The following FGF7 variants were observed in gnomAD, a reference collection of about 807,000 sequenced individuals.
The protein encoded by FGF7 is FGF-7.
In FGF7, 6 loss-of-function variants were observed where a neutral mutation model predicts 20.5. The ratio of observed to expected loss-of-function variants is 0.29; its 90% CI spans 0.16 to 0.58. The LOEUF (loss-of-function observed/expected upper bound fraction) is 0.58. FGF7 is among the 20% of genes least tolerant of loss of function. The pLI, the probability that FGF7 is intolerant of heterozygous loss-of-function variation, is 0.90. For missense variants in FGF7, 144 were observed against 228.8 expected, an observed-to-expected ratio of 0.63 and a Z score of 2.39; for synonymous variants, 64 against 74.7, an observed-to-expected ratio of 0.86 and a Z score of 0.74.
intron 2 of FGF7, among the ~76,000 whole-genome samples, chr15:49,437,971 A>G (rs2051266697): frequency 1.3e-5 from 2 of 151,698 alleles, no homozygotes; most frequent in African/African-American, 4.8e-5. Context: ...GTGGGAGTGA[A>G]TCAGGCTAGA....
chr15:49,473,069 T>C (rs561542704), intron 2 of FGF7, among the ~76,000 whole-genome samples: 1 of 152,184 alleles, frequency 6.6e-6, no homozygotes, highest in South Asian at 2.1e-4. Context: ...TTAATTTAAC[T>C]AAAGGCATAC....
At chr15:49,483,294 C>G (rs1244971161) in intron 3 of FGF7, 40 bp downstream of exon 3, 2 of 1,020,390 alleles carry the variant, frequency 2.0e-6, no homozygotes, top group South Asian at 2.6e-5. Flanking sequence ...TTTTAAAACT[C>G]ATTTTTGTCA....
chr15:49,463,550 C>CAAAAAA (rs34545202), intron 2 of FGF7, among the ~76,000 whole-genome samples: 16 of 125,888 alleles, frequency 1.3e-4, no homozygotes, highest in African/African-American at 4.8e-4. Context: ...GATTCCGTCT[C>CAAAAAA]AAAAAAAAAA....
chr15:49,447,814 T>A (rs1159501706), intron 2 of FGF7, among the ~76,000 whole-genome samples: 2 of 151,652 alleles, frequency 1.3e-5, no homozygotes, highest in Non-Finnish European at 3.0e-5. Context: ...GGAGAAAACA[T>A]GAAAACATAA....
intron 2 of FGF7, among the ~76,000 whole-genome samples, chr15:49,426,051 A>T (rs117643709): frequency 0.023 from 3,494 of 151,586 alleles, 86 homozygotes; most frequent in South Asian, 0.13. Context: ...AATATATATC[A>T]ATAATAATAT....
At chr15:49,440,945 T>C (rs1447467179) in intron 2 of FGF7, among the ~76,000 whole-genome samples, 1 of 151,778 alleles carries the variant, frequency 6.6e-6, no homozygotes, top group Non-Finnish European at 1.5e-5. Flanking sequence ...TGGAAAAAAC[T>C]GTAACAAGAA....
intron 2 of FGF7, among the ~76,000 whole-genome samples, chr15:49,462,439 G>T (rs570981502): frequency 3.2e-4 from 48 of 152,282 alleles, no homozygotes; most frequent in African/African-American, 1.1e-3. Context: ...TAGTCCAGAA[G>T]TATTTTTAGT....
intron 2 of FGF7, among the ~76,000 whole-genome samples, chr15:49,430,892 G>C (rs2050553295): frequency 1.3e-5 from 2 of 151,878 alleles, no homozygotes; most frequent in Middle Eastern, 3.4e-3. Context: ...ACCATAGCAA[G>C]GGTCTATCCA....
At position 49,439,707 on chromosome 15, in the gene FGF7, C is replaced by T. The variant is rs72727289; in HGVS notation, c.286+15124C>T. 5.8e-3 allele frequency among the ~76,000 whole-genome samples: 877 copies of T among 151,840 alleles called. 5 individuals carry two copies. Among genetic ancestry groups the T allele is most frequent in the Non-Finnish European group, 9.6e-3 (648 of 67,808 alleles). On this transcript the variant is annotated intron_variant, in intron 2 of 3. Coordinates refer to ENST00000267843, the MANE Select transcript of FGF7 (RefSeq NM_002009.4). ...TGGGTTAGGGTCTCCTCAGGAGGAA[C>T]GTGGCTCTCTTCTCTTACTGCAGAC...
intron 2 of FGF7, among the ~76,000 whole-genome samples, chr15:49,434,909 T>C (rs2050955524): frequency 6.6e-6 from 1 of 151,572 alleles, no homozygotes; most frequent in South Asian, 2.1e-4. Context: ...TGTTTTTCCT[T>C]TAAAGGGAAA....
intron 2 of FGF7, among the ~76,000 whole-genome samples, chr15:49,447,581 C>T (rs1425149458): frequency 3.3e-5 from 5 of 151,728 alleles, no homozygotes; most frequent in African/African-American, 1.2e-4. Flanking sequence ...AATACATGTT[C>T]ACCATCAGTG....
At chr15:49,469,266 G>T (rs2054528441) in intron 2 of FGF7, among the ~76,000 whole-genome samples, 1 of 151,932 alleles carries the variant, frequency 6.6e-6, no homozygotes, top group African/African-American at 2.4e-5. Flanking sequence ...AACATTTCTT[G>T]GTTAGAGATA....
intron 2 of FGF7, among the ~76,000 whole-genome samples, chr15:49,449,867 G>A: frequency 6.6e-6 from 1 of 152,034 alleles, no homozygotes; most frequent in East Asian, 1.9e-4. Context: ...TAGAGATACT[G>A]TCATCCTGTG....
chr15:49,429,121 C>T (rs2050373383), intron 2 of FGF7, among the ~76,000 whole-genome samples: 1 of 151,920 alleles, frequency 6.6e-6, no homozygotes, highest in Non-Finnish European at 1.5e-5. Flanking sequence ...AACAATAATT[C>T]ACATTATCAG....
chr15:49,436,057 C>T (rs963338877), intron 2 of FGF7, among the ~76,000 whole-genome samples: 2 of 151,230 alleles, frequency 1.3e-5, no homozygotes, highest in South Asian at 2.1e-4. Flanking sequence ...CTTCATTTCA[C>T]GGAAGAAAAA....
chr15:49,439,269 GA>G (rs2051398457), intron 2 of FGF7, among the ~76,000 whole-genome samples: 1 of 151,298 alleles, frequency 6.6e-6, no homozygotes, highest in Non-Finnish European at 1.5e-5. Context: ...TGAGCAATGA[GA>G]GGGGTAGGAG....
intron 2 of FGF7, among the ~76,000 whole-genome samples, chr15:49,468,944 G>A (rs1030226499): frequency 9.2e-5 from 14 of 151,998 alleles, no homozygotes; most frequent in Admixed American, 7.2e-4. Flanking sequence ...AGTCAATTTT[G>A]AATAACATGC....
intron 2 of FGF7, among the ~76,000 whole-genome samples, chr15:49,454,519 T>C (rs2053083865): frequency 6.6e-6 from 1 of 152,192 alleles, no homozygotes; most frequent in African/African-American, 2.4e-5. Flanking sequence ...TGAGAAAACA[T>C]TGGTTCCACT....
intron 2 of FGF7, among the ~76,000 whole-genome samples, chr15:49,474,659 G>A (rs1173157185): frequency 2.0e-5 from 3 of 152,152 alleles, no homozygotes; most frequent in Non-Finnish European, 2.9e-5. Context: ...GCTGGGGACC[G>A]GTACTGGTCC....
Sources: allele counts gnomAD v4.1 joint callset (sites outside exome capture counted in the v4.1 genomes callset), GRCh38; gene constraint gnomAD v4.1.1; transcripts MANE v1.5; gene names NCBI Gene and HGNC (gene_info 2026-07-23, HGNC 2026-07-21).